The following NFIB variants were observed in gnomAD, a reference collection of about 807,000 sequenced individuals.
NFIB encodes the protein nuclear factor I B, also known as nuclear factor 1 B-type.
In NFIB, 11 loss-of-function variants were observed where a neutral mutation model predicts 61.5. The observed-to-expected ratio is 0.18, with a 90% CI of 0.11 to 0.30. The LOEUF is 0.30. NFIB is among the 10% of genes least tolerant of loss of function. The pLI is 1.00. For synonymous variants in NFIB, 260 were observed against 216.5 expected, an observed-to-expected ratio of 1.20 and a Z score of -1.76; for missense variants, 471 against 608.9, an observed-to-expected ratio of 0.77 and a Z score of 2.38.
intron 2 of NFIB, among the ~76,000 whole-genome samples, chr9:14,278,888 TTAAC>T (rs2058183955): frequency 1.3e-5 from 2 of 152,184 alleles, no homozygotes; most frequent in Non-Finnish European, 2.9e-5. Context: ...AAAAAATGTG[TTAAC>T]TAACTTTAGG....
chr9:14,364,535 G>T (rs55917353), intron 1 of NFIB, among the ~76,000 whole-genome samples: 44,334 of 152,080 alleles, frequency 0.29, 6,599 homozygotes, highest in African/African-American at 0.32. Context: ...AAATAGAAAT[G>T]GGTCCTTACT....
At chr9:14,114,502 T>C (rs908832127) in intron 9 of NFIB, among the ~76,000 whole-genome samples, 1 of 152,224 alleles carries the variant, frequency 6.6e-6, no homozygotes, top group African/African-American at 2.4e-5. Flanking sequence ...CAAGCTTGTT[T>C]ATAGGAAAGA....
At chr9:14,149,909 T>C (rs977696828) in intron 5 of NFIB, among the ~76,000 whole-genome samples, 3 of 152,172 alleles carry the variant, frequency 2.0e-5, no homozygotes, top group African/African-American at 4.8e-5. Flanking sequence ...CATATTAATA[T>C]ATTTTCCTAG....
At chr9:14,290,908 A>C (rs2059051535) in intron 2 of NFIB, among the ~76,000 whole-genome samples, 3 of 152,020 alleles carry the variant, frequency 2.0e-5, no homozygotes, top group Admixed American at 2.0e-4. Flanking sequence ...CTCTCATAAC[A>C]TTTCTATTGA....
the NFIB span, among the ~76,000 whole-genome samples, chr9:14,416,460 C>T: frequency 6.6e-6 from 1 of 151,636 alleles, no homozygotes; most frequent in South Asian, 2.1e-4. Context: ...GACCCTGACC[C>T]TGTGTAGGCC....
At chr9:14,337,341 G>T (rs1237614081) in intron 1 of NFIB, among the ~76,000 whole-genome samples, 1 of 152,190 alleles carries the variant, frequency 6.6e-6, no homozygotes, top group Non-Finnish European at 1.5e-5. Flanking sequence ...GATACATGCA[G>T]TATGATTTTA....
the NFIB span, among the ~76,000 whole-genome samples, chr9:14,514,353 C>T: frequency 2.6e-5 from 4 of 152,006 alleles, no homozygotes; most frequent in Non-Finnish European, 5.9e-5. Flanking sequence ...CACACGCATC[C>T]ACCACCTTTC....
intron 2 of NFIB, among the ~76,000 whole-genome samples, chr9:14,203,165 A>ATTT (rs112873561): frequency 7.4e-5 from 11 of 149,056 alleles, no homozygotes; most frequent in South Asian, 2.1e-4. Flanking sequence ...CAGCCCCCAC[A>ATTT]TTTTTTTTTT....
chr9:14,206,261 C>T (rs1008775946), intron 2 of NFIB, among the ~76,000 whole-genome samples: 9 of 151,376 alleles, frequency 5.9e-5, no homozygotes, highest in African/African-American at 1.7e-4. Flanking sequence ...TCGCAACCTC[C>T]GCCTCCCAAG....
At chr9:14,503,344 T>C in the NFIB span, among the ~76,000 whole-genome samples, 1 of 152,152 alleles carries the variant, frequency 6.6e-6, no homozygotes, top group South Asian at 2.1e-4. Flanking sequence ...GGATCTACTT[T>C]TAATCCTTTA....
rs189915635 is a variant in NFIB, at chr9:14,249,253, T to C, written c.562+57736A>G. Reference sequence around the variant, plus strand: ...GATATTATTATCTCTGCTTTACTGATAAGCAAATTATGAGTCAAAGAGCTT... The same window carrying C: ...GATATTATTATCTCTGCTTTACTGACAAGCAAATTATGAGTCAAAGAGCTT... On this transcript the variant is annotated intron_variant, in intron 2 of 10. Coordinates refer to ENST00000380953, the MANE Select transcript of NFIB (RefSeq NM_001190737.2). 1.1e-3 allele frequency among the ~76,000 whole-genome samples: 168 copies of C among 152,360 alleles called. 1 individual carries two copies. The Middle Eastern group carries it at 0.017, about 15-fold the overall frequency.
chr9:14,254,589 C>A (rs1014291292), intron 2 of NFIB, among the ~76,000 whole-genome samples: 1 of 152,078 alleles, frequency 6.6e-6, no homozygotes, highest in Non-Finnish European at 1.5e-5. Flanking sequence ...ACAGTACTCC[C>A]GTGCACTGGT....
At chr9:14,336,948 G>A (rs2060892879) in intron 1 of NFIB, among the ~76,000 whole-genome samples, 2 of 152,140 alleles carry the variant, frequency 1.3e-5, no homozygotes, top group South Asian at 2.1e-4. Context: ...TAAACAATGA[G>A]CCTGGCTGTG....
intron 2 of NFIB, among the ~76,000 whole-genome samples, chr9:14,209,029 ATTT>A (rs535783202): frequency 6.6e-6 from 1 of 152,136 alleles, no homozygotes. Flanking sequence ...TAAACAAGTT[ATTT>A]TTTTCCACTA....
the NFIB span, among the ~76,000 whole-genome samples, chr9:14,503,971 T>C: frequency 2.0e-5 from 3 of 152,224 alleles, no homozygotes; most frequent in Non-Finnish European, 4.4e-5. Flanking sequence ...GATTTAAGTC[T>C]TTGATCCATC....
intron 1 of NFIB, among the ~76,000 whole-genome samples, chr9:14,321,473 T>C (rs2060658223): frequency 6.6e-6 from 1 of 152,244 alleles, no homozygotes; most frequent in Admixed American, 6.5e-5. Flanking sequence ...ATAGTACTTC[T>C]TTCACTTAAA....
At chr9:14,324,875 G>A (rs1454015781) in intron 1 of NFIB, among the ~76,000 whole-genome samples, 1 of 151,982 alleles carries the variant, frequency 6.6e-6, no homozygotes, top group East Asian at 1.9e-4. Context: ...GATACCTAAG[G>A]TTTATAAAAT....
chr9:14,378,608 G>A (rs1171405886), intron 1 of NFIB, among the ~76,000 whole-genome samples: 19 of 152,196 alleles, frequency 1.2e-4, no homozygotes, highest in Non-Finnish European at 5.9e-5. Context: ...ACCCGCATGG[G>A]CCTCCCAAAG....
At chr9:14,315,821 G>A (rs1421218522), upstream of NFIB, among the ~76,000 whole-genome samples, 1 of 152,012 alleles carries the variant, frequency 6.6e-6, no homozygotes, top group Non-Finnish European at 1.5e-5. Context: ...AGGCCTCCCA[G>A]ACAATGGAGG....
Sources: gnomAD v4.1 joint callset for allele counts (sites outside exome capture counted in the v4.1 genomes callset) on GRCh38, gnomAD v4.1.1 for gene constraint, MANE v1.5 for transcripts, NCBI Gene and HGNC (gene_info 2026-07-23, HGNC 2026-07-21) for gene names.